KY: variants seen among roughly 807,000 people sequenced by gnomAD.
The protein encoded by KY is kyphoscoliosis peptidase.
Under a neutral mutation model 76.1 loss-of-function variants are expected in KY, and 43 were observed. That is an observed-to-expected ratio of 0.57 (90% confidence interval 0.44 to 0.73). The LOEUF (loss-of-function observed/expected upper bound fraction) is 0.73. KY is among the 30% of genes least tolerant of loss of function. The pLI is 0.00. For synonymous variants in KY, 277 were observed against 326.2 expected (o/e 0.85, Z 1.63); for missense variants, 722 against 828.9 (o/e 0.87, Z 1.58).
chr3:134,608,874 C>T lies in KY; in HGVS notation c.900-35G>A. 8 of 1,580,258 alleles carry T rather than the reference C, an allele frequency of 5.1e-6. No homozygotes were observed. In the South Asian group the frequency reaches 9.4e-5, roughly 19 times the overall value. Reference sequence around the variant, plus strand: ...AGACAAGCTGGTTAGCAGCCAGCTCCATGCAGGGGAGGCAGGGGCCCAATA... The same window carrying T: ...AGACAAGCTGGTTAGCAGCCAGCTCTATGCAGGGGAGGCAGGGGCCCAATA... On this transcript the variant is annotated intron_variant, in intron 9 of 10. Coordinates refer to ENST00000423778, the MANE Select transcript of KY (RefSeq NM_178554.6).
intron 1 of KY, among the ~76,000 whole-genome samples, chr3:134,650,327 G>A (rs748498811): frequency 6.6e-6 from 1 of 152,208 alleles, no homozygotes; most frequent in African/African-American, 2.4e-5. Flanking sequence ...CTGGGAGAAA[G>A]TCTCAAGAAA....
At chr3:134,609,804 G>A (rs1445720039) in intron 9 of KY, among the ~76,000 whole-genome samples, 1 of 152,212 alleles carries the variant, frequency 6.6e-6, no homozygotes, top group African/African-American at 2.4e-5. Flanking sequence ...GGGCAAAGCA[G>A]TAAGAGATCA....
chr3:134,640,318 G>A (rs980851400), intron 3 of KY, among the ~76,000 whole-genome samples: 1 of 152,130 alleles, frequency 6.6e-6, no homozygotes, highest in African/African-American at 2.4e-5. Flanking sequence ...CACCGCTTTC[G>A]AGAGCCCACA....
rs557680724 is a variant in KY, at chr3:134,604,339, A to G, written c.1226T>C (p.Met409Thr). 8.7e-6 allele frequency: 14 copies of G among 1,614,004 alleles called. No homozygotes were observed. The highest frequency in any genetic ancestry group is 1.7e-5 in the Admixed American group (1 of 60,022). Residue 409 changes from methionine (M) to threonine (T), a missense_variant, in exon 11 of 11, where the codon ATG (methionine) becomes ACG (threonine). Transcript: ENST00000423778. ...GMKLEVYPPT[M>T]GTHKLQIFAK... The stretch of plus-strand genomic sequence containing the variant: ...AAAGATCTGCAGCTTGTGAGTGCCC[A>G]TGGTTGGAGGGTACACCTCCAACTT...
At chr3:134,637,495 A>T (rs1271064086) in intron 3 of KY, among the ~76,000 whole-genome samples, 1 of 152,172 alleles carries the variant, frequency 6.6e-6, no homozygotes, top group African/African-American at 2.4e-5. Context: ...GTAGTAAAGA[A>T]CTCTATTTGA....
chr3:134,649,279 G>A (rs1318201947), intron 1 of KY, among the ~76,000 whole-genome samples: 1 of 152,158 alleles, frequency 6.6e-6, no homozygotes, highest in African/African-American at 2.4e-5. Context: ...TGGAGCCATG[G>A]CGAGTTTGTG....
rs777630013 is a variant in KY, at chr3:134,603,372, TGC to T, written c.*205_*206del. The T allele has an allele frequency of 2.6e-5, 13 of 502,500 alleles. No individual in the cohort carries two copies. Among genetic ancestry groups the T allele is most frequent in the Non-Finnish European group, 4.5e-5 (13 of 286,190 alleles). The allele number at this position is 502,500 out of a possible 1,614,324, so 31.1% of individuals were successfully genotyped here. A position where few individuals can be genotyped will look rare whatever the true frequency, so the allele number is the denominator to read the frequency against. ...TTTCCTTCTAAAGAGCCACTGCCTC[TGC>T]CCCCTCAGTCACAGCCACACCTGAG... On this transcript the variant is annotated 3_prime_UTR_variant, in exon 11 of 11. Coordinates refer to ENST00000423778, the MANE Select transcript of KY (RefSeq NM_178554.6).
intron 3 of KY, among the ~76,000 whole-genome samples, chr3:134,631,332 G>A (rs928572343): frequency 2.0e-5 from 3 of 152,114 alleles, no homozygotes; most frequent in Non-Finnish European, 2.9e-5. Context: ...AGTGAAAAGC[G>A]ATGTAAAGCC....
chr3:134,628,073 G>C (rs1963703538), intron 4 of KY: 1 of 553,022 alleles, frequency 1.8e-6, no homozygotes, highest in African/African-American at 1.9e-5. Context: ...ACTGGAGTTA[G>C]TATTTGCTCT....
chr3:134,619,122 A>G, intron 8 of KY, 26 bp downstream of exon 8: 1 of 1,575,672 alleles, frequency 6.3e-7, no homozygotes, highest in Non-Finnish European at 8.7e-7. Flanking sequence ...TCCGGTGGTC[A>G]GCATGGGGAC....
At chr3:134,610,431 C>T (rs1960168859) in intron 8 of KY, 48 bp from the exon 9 acceptor site, 2 of 1,532,598 alleles carry the variant, frequency 1.3e-6, no homozygotes, top group Non-Finnish European at 8.9e-7. Context: ...CTGTGGCTTG[C>T]CTCCAAGTCT....
At chr3:134,608,511 AC>A in intron 10 of KY, 137 bp downstream of exon 10, 1 of 1,569,272 alleles carries the variant, frequency 6.4e-7, no homozygotes, top group Non-Finnish European at 8.6e-7. Context: ...ACATGCACAC[AC>A]AAGCTTTGTG....
At chr3:134,618,437 T>C (rs1374663415) in intron 8 of KY, among the ~76,000 whole-genome samples, 6 of 152,154 alleles carry the variant, frequency 3.9e-5, no homozygotes, top group African/African-American at 1.2e-4. Flanking sequence ...GAGGGGTTCT[T>C]TGATGGCCCC....
At chr3:134,650,589 CA>C (rs1253686350) in intron 1 of KY, among the ~76,000 whole-genome samples, 1 of 152,218 alleles carries the variant, frequency 6.6e-6, no homozygotes, top group African/African-American at 2.4e-5. Context: ...GAAGCACCCA[CA>C]GGCCTGCACA....
Position 134,603,939 on chromosome 3 carries a change from C to T in KY, c.1626G>A (p.Arg542=). 1 of 1,613,990 alleles carries T rather than the reference C, an allele frequency of 6.2e-7. No individual in the cohort carries two copies. Among genetic ancestry groups the T allele is most frequent in the South Asian group, 1.1e-5 (1 of 91,084 alleles). Residue 542 remains arginine (R), a synonymous_variant, in exon 11 of 11, where the codon AGG becomes AGA. Coordinates refer to ENST00000423778, the MANE Select transcript of KY (RefSeq NM_178554.6). ...CGAAGATGTAGTTTCCTGGTTCCTG[C>T]CTCTTCTTGACAAAGATCTTGAGGG... ...KFALKIFVKK[R]QEPGNYIFVF... is the part of the protein sequence containing the mutation.
At chr3:134,611,632 C>T (rs959026823) in intron 8 of KY, among the ~76,000 whole-genome samples, 4 of 152,228 alleles carry the variant, frequency 2.6e-5, no homozygotes, top group Non-Finnish European at 5.9e-5. Context: ...TTTGATGGGG[C>T]TCCTTTGAGT....
rs1959061663 is a variant in KY, at chr3:134,603,591, C to A, written c.1974G>T (p.Val658=). 1 of 1,581,046 alleles carries A rather than the reference C, an allele frequency of 6.3e-7. No individual in the cohort carries two copies. The highest frequency in any genetic ancestry group is 8.6e-7 in the Non-Finnish European group (1 of 1,159,254). The change falls in exon 11 of 11, where the codon GTG becomes GTT. Residue 658 remains valine (V), a synonymous_variant. Coordinates refer to ENST00000423778, the MANE Select transcript of KY (RefSeq NM_178554.6). ...CGGGGCACAGCCCTCACTGGGCATT[C>A]ACTTTGTATTTCAGGATGTAGGAGT... is the stretch of plus-strand genomic sequence containing the variant. ...NFYSYILKYK[V]NAQ is the part of the protein sequence containing the mutation.
rs752765230 is a variant in KY at position 134,604,450 on chromosome 3, A to G, written c.1115T>C (p.Ile372Thr). 30 of 1,609,526 alleles carry G rather than the reference A, an allele frequency of 1.9e-5. No individual in the cohort carries two copies. The highest frequency in any genetic ancestry group is 1.1e-5 in the Non-Finnish European group (13 of 1,177,024). Residue 372 changes from isoleucine to threonine, a missense_variant, in exon 11 of 11, where the codon ATT becomes ACT. Ile to Thr is a moderately conservative substitution (Grantham distance 89). Coordinates refer to ENST00000423778, the MANE Select transcript of KY (RefSeq NM_178554.6). ...GAACAGCGTCGGGGCGCAGCTCTCA[A>G]TGGTGACCGTGGCCTTCCCATTCAC... ...RTVNGKATVT[I>T]ESCAPTLFMF... is the part of the protein sequence containing the mutation.
At chr3:134,618,190 C>T (rs531256042) in intron 8 of KY, among the ~76,000 whole-genome samples, 3 of 152,088 alleles carry the variant, frequency 2.0e-5, no homozygotes, top group Non-Finnish European at 2.9e-5. Context: ...GTGATGGGGG[C>T]AGGAGGCAGC....
Sources: allele counts gnomAD v4.1 joint callset (sites outside exome capture counted in the v4.1 genomes callset), GRCh38; gene constraint gnomAD v4.1.1; transcripts MANE v1.5; gene names NCBI Gene and HGNC (gene_info 2026-07-23, HGNC 2026-07-21).